ANK2: variants seen among roughly 807,000 people sequenced by gnomAD.
ANK2 encodes ankyrin 2, also known as ankyrin-2.
A neutral mutation model predicts 360.5 loss-of-function variants in ANK2; 83 were observed. That is an observed-to-expected ratio of 0.23 (90% CI 0.19 to 0.28). The LOEUF (loss-of-function observed/expected upper bound fraction) is 0.28. Among genes scored for constraint, ANK2 ranks in the 10% least tolerant of loss-of-function variants. The probability of loss-of-function intolerance (pLI) is 1.00; values close to 1 mark genes in which losing one functional copy is unlikely to be tolerated. For missense variants in ANK2, 4,201 were observed against 4,795.7 expected (o/e 0.88, Z 3.66); for synonymous variants, 1,740 against 1,759.5 (o/e 0.99, Z 0.28).
intron 2 of ANK2, among the ~76,000 whole-genome samples, chr4:112,954,533 C>T (rs1278210821): frequency 6.6e-6 from 1 of 152,078 alleles, no homozygotes; most frequent in African/African-American, 2.4e-5. Context: ...CAGATGGTGG[C>T]TTTTGGGCTT....
At chr4:112,891,937 G>A (rs2080147978) in intron 1 of ANK2, among the ~76,000 whole-genome samples, 1 of 152,144 alleles carries the variant, frequency 6.6e-6, no homozygotes, top group Non-Finnish European at 1.5e-5. Flanking sequence ...TTTACTAAAG[G>A]AATGAATGAA....
At chr4:112,793,762 G>T in the ANK2 span, among the ~76,000 whole-genome samples, 7 of 146,964 alleles carry the variant, frequency 4.8e-5, no homozygotes, top group African/African-American at 1.3e-4. Context: ...CTGGAATGCA[G>T]TGGTGCAATC....
intron 1 of ANK2, among the ~76,000 whole-genome samples, chr4:113,090,706 T>G (rs770473854): frequency 6.6e-6 from 1 of 152,244 alleles, no homozygotes; most frequent in Admixed American, 6.5e-5. Context: ...GAAGATTTTA[T>G]GTAAAAGTCT....
At chr4:113,132,794 A>G (rs1438459949) in intron 1 of ANK2, among the ~76,000 whole-genome samples, 2 of 152,202 alleles carry the variant, frequency 1.3e-5, no homozygotes, top group Non-Finnish European at 2.9e-5. Flanking sequence ...GGGGAATTCC[A>G]GCAGCCATCT....
chr4:112,728,975 G>C, the ANK2 span, among the ~76,000 whole-genome samples: 35 of 152,168 alleles, frequency 2.3e-4, no homozygotes, highest in Middle Eastern at 3.2e-3. Context: ...CAGAGGCTGA[G>C]ATGGTAGGTC....
intron 22 of ANK2, among the ~76,000 whole-genome samples, chr4:113,296,971 CTTATA>C (rs1351054152): frequency 1.3e-5 from 2 of 151,918 alleles, no homozygotes; most frequent in African/African-American, 2.4e-5. Flanking sequence ...AAAATATTAT[CTTATA>C]TTATTACTTG....
chr4:113,288,873 G>A (rs3025719), intron 20 of ANK2, among the ~76,000 whole-genome samples: 5,152 of 151,988 alleles, frequency 0.034, 96 homozygotes, highest in Non-Finnish European at 0.038. Flanking sequence ...CCTAGACTGC[G>A]TGCCTTTCAT....
chr4:113,348,033 A>C, intron 35 of ANK2: 1 of 535,198 alleles, frequency 1.9e-6, no homozygotes, highest in Non-Finnish European at 3.4e-6. Flanking sequence ...AGTATCTGGA[A>C]TTAGTATATT....
chr4:113,029,964 C>G (rs2060054763), intron 2 of ANK2, among the ~76,000 whole-genome samples: 1 of 152,024 alleles, frequency 6.6e-6, no homozygotes, highest in African/African-American at 2.4e-5. Context: ...GTATAATCTG[C>G]TTTACTTTTT....
At chr4:113,085,460 C>A (rs1219198109) in intron 1 of ANK2, among the ~76,000 whole-genome samples, 2 of 151,990 alleles carry the variant, frequency 1.3e-5, no homozygotes, top group Non-Finnish European at 2.9e-5. Context: ...CGTGTGCCAC[C>A]ATGCCCAGCT....
At chr4:112,927,106 C>G (rs2092654463) in intron 2 of ANK2, among the ~76,000 whole-genome samples, 1 of 152,136 alleles carries the variant, frequency 6.6e-6, no homozygotes, top group Admixed American at 6.6e-5. Context: ...GAGGGAACCA[C>G]CCCCATGATT....
intron 1 of ANK2, among the ~76,000 whole-genome samples, chr4:113,130,842 C>T (rs551843233): frequency 6.6e-6 from 1 of 152,214 alleles, no homozygotes; most frequent in East Asian, 1.9e-4. Flanking sequence ...TGAATCAAAC[C>T]TAGGAAGAGA....
chr4:113,146,037 G>A, intron 1 of ANK2: 1 of 1,289,168 alleles, frequency 7.8e-7, no homozygotes, highest in Non-Finnish European at 1.0e-6. Context: ...GAGGAAGGGA[G>A]GATGGTGGCA....
rs151180821 is a variant in ANK2, at chr4:113,264,932, C to T, written c.1422C>T (p.Ala474=). 2.6e-5 allele frequency: 40 copies of T among 1,568,604 alleles called. No homozygotes were observed. The highest frequency in any genetic ancestry group is 2.3e-4 in the African/African-American group (17 of 74,124). ...CGGCACTACACATGGCAGCCCGAGC[C>T]GGGCAGGTGGAAGTGGTCCGATGCC... is the stretch of plus-strand genomic sequence containing the variant. The part of the protein sequence containing the change: ...GETALHMAAR[A]GQVEVVRCLL... Residue 474 remains alanine (A), a synonymous_variant, in exon 14 of 46, where the codon GCC becomes GCT. Transcript: ENST00000357077.
Position 113,302,854 on chromosome 4 carries a change from C to T in ANK2, c.2548+15C>T, listed in dbSNP as rs1563573109. On this transcript the variant is annotated intron_variant, in intron 23 of 45. Coordinates refer to ENST00000357077, the MANE Select transcript of ANK2 (RefSeq NM_001148.6). Reference sequence around the variant, plus strand: ...TGATGAAGAGGGTAAGACTTCTATTCAATCTTCTATGACACCTGTCATGTT... The same window carrying T: ...TGATGAAGAGGGTAAGACTTCTATTTAATCTTCTATGACACCTGTCATGTT... 1 of 1,602,810 alleles carries T rather than the reference C, an allele frequency of 6.2e-7. No individual in the cohort carries two copies.
intron 11 of ANK2, among the ~76,000 whole-genome samples, chr4:113,256,509 A>T (rs1488003742): frequency 1.3e-5 from 2 of 152,206 alleles, no homozygotes; most frequent in African/African-American, 4.8e-5. Flanking sequence ...GAACTGCTCA[A>T]GAGAAAACTG....
At chr4:112,857,625 A>G (rs2066771385) in intron 1 of ANK2, among the ~76,000 whole-genome samples, 1 of 152,216 alleles carries the variant, frequency 6.6e-6, no homozygotes, top group Admixed American at 6.5e-5. Flanking sequence ...TTAAAAAGAA[A>G]TAACATGTTA....
At chr4:112,968,369 C>T (rs1337583069) in intron 2 of ANK2, among the ~76,000 whole-genome samples, 1 of 152,220 alleles carries the variant, frequency 6.6e-6, no homozygotes, top group African/African-American at 2.4e-5. Flanking sequence ...TTTCCCATCT[C>T]ATCTCACCTA....
chr4:113,357,731 C>T lies in ANK2; in HGVS notation c.9113C>T (p.Thr3038Ile). 2.5e-6 allele frequency: 4 copies of T among 1,614,112 alleles called. No individual in the cohort carries two copies. Among genetic ancestry groups the T allele is most frequent in the Non-Finnish European group, 3.4e-6 (4 of 1,179,982 alleles). The change falls in exon 38 of 46, where the codon ACT (threonine) becomes ATT (isoleucine). Residue 3038 changes from threonine (T) to isoleucine (I), a missense_variant. Thr to Ile is a moderately conservative substitution (Grantham distance 89). Transcript: ENST00000357077. ...EQISKVIITK[T>I]DVDSDSWSEI... Reference sequence around the variant, plus strand: ...ATAAGCAAAGTCATCATCACAAAAACTGATGTGGATTCTGATTCTTGGAGT... The same window carrying T: ...ATAAGCAAAGTCATCATCACAAAAATTGATGTGGATTCTGATTCTTGGAGT...
Sources: gnomAD v4.1 joint callset for allele counts (sites outside exome capture counted in the v4.1 genomes callset) on GRCh38, gnomAD v4.1.1 for gene constraint, MANE v1.5 for transcripts, NCBI Gene and HGNC (gene_info 2026-07-23, HGNC 2026-07-21) for gene names.